The following PI4KA variants were observed in gnomAD, a reference collection of about 807,000 sequenced individuals.
The protein encoded by PI4KA is PI4-kinase alpha.
Under a neutral mutation model 271.4 loss-of-function variants are expected in PI4KA, and 122 were observed. The ratio of observed to expected loss-of-function variants is 0.45; its 90% CI spans 0.39 to 0.52. The LOEUF is 0.52. PI4KA is among the 20% of genes least tolerant of loss of function. PI4KA has a pLI of 0.00. For synonymous variants in PI4KA, 1,041 were observed against 1,078.8 expected, an observed-to-expected ratio of 0.96 and a Z score of 0.69; for missense variants, 1,969 against 2,769.1, an observed-to-expected ratio of 0.71 and a Z score of 6.48.
chr22:20,853,258 C>T lies in PI4KA; in HGVS notation c.156+5312G>A, dbSNP rs190408969. Among the ~76,000 whole-genome samples, 56 of 152,222 alleles carry T rather than the reference C, an allele frequency of 3.7e-4. 1 individual carries two copies. Among genetic ancestry groups the T allele is most frequent in the Admixed American group, 7.2e-4 (11 of 15,290 alleles). On this transcript the variant is annotated intron_variant, in intron 1 of 54. Coordinates refer to ENST00000255882, the MANE Select transcript of PI4KA (RefSeq NM_058004.4). ...ACTTTGCAGCTCTGCCCATGACTCT[C>T]GGTATCCCAGGATCGAGGGCCCACT...
intron 2 of PI4KA, among the ~76,000 whole-genome samples, chr22:20,837,698 AT>A (rs1925031745): frequency 6.6e-6 from 1 of 152,224 alleles, no homozygotes. Context: ...AAGATTCAAT[AT>A]CCAATGATCA....
At chr22:20,788,253 G>A (rs527455781) in intron 19 of PI4KA, among the ~76,000 whole-genome samples, 2 of 152,308 alleles carry the variant, frequency 1.3e-5, no homozygotes, top group South Asian at 4.1e-4. Flanking sequence ...CTGAAGTAGT[G>A]GGGCTGGGTT....
chr22:20,773,141 T>G (rs1343987936), intron 19 of PI4KA, among the ~76,000 whole-genome samples: 1 of 151,916 alleles, frequency 6.6e-6, no homozygotes, highest in Admixed American at 6.6e-5. Flanking sequence ...ATCCCAGCAC[T>G]TTGGGAGGCC....
chr22:20,805,705 G>A (rs1426210576), intron 10 of PI4KA, among the ~76,000 whole-genome samples: 3 of 151,726 alleles, frequency 2.0e-5, no homozygotes, highest in Admixed American at 6.6e-5. Flanking sequence ...GGTGGTGGGC[G>A]CCTGTAGTCC....
intron 40 of PI4KA, 38 bp from the exon 41 acceptor site, chr22:20,727,435 TCC>T (rs1464877863): frequency 6.5e-7 from 1 of 1,539,552 alleles, no homozygotes; most frequent in Admixed American, 2.2e-5. Flanking sequence ...GCTTGGGCAG[TCC>T]CGGGACCTCT....
At chr22:20,762,297 C>T (rs540183096) in intron 22 of PI4KA, among the ~76,000 whole-genome samples, 4 of 152,258 alleles carry the variant, frequency 2.6e-5, no homozygotes, top group African/African-American at 9.6e-5. Context: ...CACACGCATT[C>T]GAGTGTGCAC....
At chr22:20,814,499 C>T (rs1182150920) in intron 7 of PI4KA, among the ~76,000 whole-genome samples, 1 of 152,110 alleles carries the variant, frequency 6.6e-6, no homozygotes, top group African/African-American at 2.4e-5. Context: ...CCTATAAACC[C>T]AGAGTTTTCG....
intron 42 of PI4KA, chr22:20,725,386 A>G (rs188092428): frequency 8.9e-5 from 25 of 280,666 alleles, no homozygotes; most frequent in African/African-American, 4.8e-4. Context: ...GGATACTGTT[A>G]CGGGCTGAAC....
intron 43 of PI4KA, among the ~76,000 whole-genome samples, chr22:20,719,451 G>T (rs1028498938): frequency 3.3e-5 from 5 of 152,042 alleles, no homozygotes; most frequent in African/African-American, 1.2e-4. Flanking sequence ...CCTTTGTGAT[G>T]AAATGGGATG....
intron 3 of PI4KA, among the ~76,000 whole-genome samples, chr22:20,830,940 T>A (rs1924081401): frequency 6.6e-6 from 1 of 152,062 alleles, no homozygotes; most frequent in Admixed American, 6.5e-5. Context: ...CTCAGCTAAT[T>A]TTTTGTCTTT....
chr22:20,845,462 T>C (rs146170802), intron 1 of PI4KA, among the ~76,000 whole-genome samples: 130 of 152,344 alleles, frequency 8.5e-4, no homozygotes, highest in African/African-American at 3.0e-3. Flanking sequence ...CAAAATTCTC[T>C]GAGAACAAAA....
At chr22:20,710,605 A>C in intron 52 of PI4KA, 94 bp downstream of exon 52, 6 of 1,169,494 alleles carry the variant, frequency 5.1e-6, no homozygotes, top group Non-Finnish European at 7.4e-6. Context: ...CACCTACCTC[A>C]CTCTCTGGAA....
intron 45 of PI4KA, among the ~76,000 whole-genome samples, chr22:20,715,007 G>A (rs988527264): frequency 2.0e-5 from 3 of 152,110 alleles, no homozygotes; most frequent in Non-Finnish European, 1.5e-5. Context: ...TTCTGGGGGT[G>A]CGTGTGAGGC....
At chr22:20,849,712 G>A (rs1926717953) in intron 1 of PI4KA, among the ~76,000 whole-genome samples, 1 of 152,048 alleles carries the variant, frequency 6.6e-6, no homozygotes, top group African/African-American at 2.4e-5. Context: ...AAATTAGCCG[G>A]GCGCAGTGGC....
chr22:20,812,998 C>T (rs1921266238), intron 8 of PI4KA, among the ~76,000 whole-genome samples: 1 of 152,158 alleles, frequency 6.6e-6, no homozygotes, highest in Admixed American at 6.5e-5. Context: ...AATAGAGCCA[C>T]CCCTTAGAGG....
intron 50 of PI4KA, 104 bp downstream of exon 50, chr22:20,712,382 A>C: frequency 6.4e-7 from 1 of 1,557,064 alleles, no homozygotes; most frequent in Non-Finnish European, 8.7e-7. Context: ...ACCCTTAACA[A>C]AGGATGACTG....
intron 19 of PI4KA, among the ~76,000 whole-genome samples, chr22:20,775,559 T>C (rs1933206391): frequency 6.6e-6 from 1 of 152,258 alleles, no homozygotes; most frequent in Non-Finnish European, 1.5e-5. Flanking sequence ...TACGTTTTCC[T>C]GAATGCTTAT....
intron 1 of PI4KA, among the ~76,000 whole-genome samples, chr22:20,850,857 T>C (rs898463153): frequency 2.6e-5 from 4 of 152,008 alleles, no homozygotes; most frequent in South Asian, 2.1e-4. Context: ...CTGGGCAAGA[T>C]AGTAAGACCC....
intron 19 of PI4KA, among the ~76,000 whole-genome samples, chr22:20,774,841 A>G (rs1219282202): frequency 1.3e-5 from 2 of 152,144 alleles, no homozygotes; most frequent in Admixed American, 1.3e-4. Flanking sequence ...GGTCTAGAAG[A>G]AAAAATGTGT....
Sources: allele counts gnomAD v4.1 joint callset (sites outside exome capture counted in the v4.1 genomes callset), GRCh38; gene constraint gnomAD v4.1.1; transcripts MANE v1.5; gene names NCBI Gene and HGNC (gene_info 2026-07-23, HGNC 2026-07-21).